Variants in PTPRN2 observed in about 807,000 individuals in gnomAD.
The protein encoded by PTPRN2 is receptor-type tyrosine-protein phosphatase N2.
A neutral mutation model predicts 118.8 loss-of-function variants in PTPRN2; 74 were observed. The observed-to-expected ratio is 0.62, with a 90% CI of 0.52 to 0.76. The LOEUF is 0.76. Ranked by LOEUF, PTPRN2 falls within the 30% of genes least tolerant of loss-of-function variation. The pLI is 0.00. For missense variants in PTPRN2, 1,481 were observed against 1,394.4 expected (o/e 1.06, Z -0.99); for synonymous variants, 641 against 608.0 (o/e 1.05, Z -0.80).
rs12669550 is a variant in PTPRN2 at position 157,611,051 on chromosome 7, G to A, written c.2345-6976C>T. Among the ~76,000 whole-genome samples, 22,996 of 152,162 alleles carry A rather than the reference G, an allele frequency of 0.15. 1,927 individuals are homozygous for A. Among genetic ancestry groups the A allele is most frequent in the East Asian group, 0.25 (1,287 of 5,170 alleles). Reference sequence around the variant, plus strand: ...GACCTGCCCCACCCACCACTCAGGAGGCACGCTGCCCACCGCTGAGCTGAA... The same window carrying A: ...GACCTGCCCCACCCACCACTCAGGAAGCACGCTGCCCACCGCTGAGCTGAA... On this transcript the variant is annotated intron_variant, in intron 15 of 22. Coordinates refer to ENST00000389418, the MANE Select transcript of PTPRN2 (RefSeq NM_002847.5). This position sits in a 1 kb window ranked among gnomAD's most constrained non-coding sequence, Gnocchi z 5.9.
intron 1 of PTPRN2, among the ~76,000 whole-genome samples, chr7:158,547,699 GGCTGATTCA>G (rs1175679414): frequency 7.9e-5 from 12 of 152,204 alleles, no homozygotes; most frequent in Admixed American, 1.3e-4. Flanking sequence ...GTCCAGCAGA[GGCTGATTCA>G]TGCTAGAAAC....
At chr7:158,440,256 A>G (rs1446813817) in intron 2 of PTPRN2, among the ~76,000 whole-genome samples, 2 of 152,246 alleles carry the variant, frequency 1.3e-5, no homozygotes, top group Non-Finnish European at 2.9e-5. Context: ...CAAATGCTCC[A>G]GGTCCAGCTC....
chr7:158,312,250 GC>G, intron 3 of PTPRN2, among the ~76,000 whole-genome samples: 7 of 105,504 alleles, frequency 6.6e-5, no homozygotes, highest in South Asian at 2.4e-4. Flanking sequence ...ACACACACCT[GC>G]ACACGCACTC....
At chr7:158,376,499 T>C (rs865790429) in intron 2 of PTPRN2, among the ~76,000 whole-genome samples, 173 of 81,082 alleles carry the variant, frequency 2.1e-3, no homozygotes, top group African/African-American at 2.4e-3. Flanking sequence ...TGGACTCCCC[T>C]ACAGCCCTGT....
At chr7:158,055,238 A>G (rs1809696035) in intron 11 of PTPRN2, among the ~76,000 whole-genome samples, 1 of 152,188 alleles carries the variant, frequency 6.6e-6, no homozygotes, top group African/African-American at 2.4e-5. Flanking sequence ...ACACAGTGAG[A>G]AGTGACCAGA....
intron 14 of PTPRN2, among the ~76,000 whole-genome samples, chr7:157,655,593 G>A (rs1171214149): frequency 6.6e-5 from 10 of 152,192 alleles, no homozygotes; most frequent in South Asian, 6.2e-4. Context: ...CCGCTGCTTC[G>A]GCCAAGCAGC....
intron 3 of PTPRN2, among the ~76,000 whole-genome samples, chr7:158,293,051 G>A (rs1288312687): frequency 6.6e-6 from 1 of 152,026 alleles, no homozygotes; most frequent in African/African-American, 2.4e-5. Flanking sequence ...CTGGGCAACA[G>A]AGTGACATTC....
chr7:158,103,753 G>C (rs940861634), intron 10 of PTPRN2, among the ~76,000 whole-genome samples: 4 of 152,288 alleles, frequency 2.6e-5, no homozygotes, highest in Non-Finnish European at 4.4e-5. Flanking sequence ...ATGGTGTCGG[G>C]GGCCACAGCA....
Position 158,570,909 on chromosome 7 carries a change from T to A in PTPRN2, c.112+16649A>T, listed in dbSNP as rs997898173. 1.3e-5 allele frequency among the ~76,000 whole-genome samples: 2 copies of A among 152,190 alleles called. No homozygotes were observed. The highest frequency in any genetic ancestry group is 4.8e-5 in the African/African-American group (2 of 41,448). On this transcript the variant is annotated intron_variant, in intron 1 of 22. Transcript: ENST00000389418. The surrounding 1 kb of genome is among the most constrained non-coding windows in gnomAD (Gnocchi z 4.5). ...TGGACCTGGTTACCTCTGGCCTTCC[T>A]CTGCTCAGAAGCCCACCCCTGCAGA...
chr7:158,516,593 C>T (rs138574507), intron 1 of PTPRN2, among the ~76,000 whole-genome samples: 3,913 of 114,692 alleles, frequency 0.034, 73 homozygotes, highest in Middle Eastern at 0.067. Flanking sequence ...TATTGTTCTT[C>T]GTGCTGTTCT....
chr7:157,621,358 G>C lies in PTPRN2; in HGVS notation c.2344+4C>G. 6.4e-7 allele frequency: 1 copy of C among 1,566,900 alleles called. No individual in the cohort carries two copies. Among genetic ancestry groups the C allele is most frequent in the Non-Finnish European group, 8.6e-7 (1 of 1,160,402 alleles). On this transcript the variant is annotated splice_donor_region_variant and intron_variant, in intron 15 of 22. Transcript: ENST00000389418. ...GGCTTCCTGCCCCCGGGGCTGGTAC[G>C]TACAGGTCAGCACGGCCAGGGAGCG... is the stretch of plus-strand genomic sequence containing the variant.
At chr7:158,069,996 G>T (rs1168419102) in intron 11 of PTPRN2, among the ~76,000 whole-genome samples, 1 of 152,186 alleles carries the variant, frequency 6.6e-6, no homozygotes, top group East Asian at 1.9e-4. Flanking sequence ...TAGCTGGGAG[G>T]GTGCTGTGAA....
chr7:158,198,759 T>C (rs1826410995), intron 4 of PTPRN2, among the ~76,000 whole-genome samples: 1 of 61,396 alleles, frequency 1.6e-5, no homozygotes, highest in African/African-American at 6.8e-5. Flanking sequence ...TTCTGGCTTC[T>C]CAGGTCCTCC....
intron 2 of PTPRN2, among the ~76,000 whole-genome samples, chr7:158,378,532 C>T (rs1345696558): frequency 6.6e-6 from 1 of 152,214 alleles, no homozygotes; most frequent in Non-Finnish European, 1.5e-5. Flanking sequence ...TCCCCACAGG[C>T]CCCCTCTATT....
Position 158,018,501 on chromosome 7 carries a change from C to A in PTPRN2, c.1723+62797G>T, listed in dbSNP as rs1263794949. On this transcript the variant is annotated intron_variant, in intron 11 of 22. Transcript: ENST00000389418. ...TCACATTTTTAGCCTATACTAGTGA[C>A]GTGCACTTAACTTTGAAATTTGTTT... 9.2e-5 allele frequency among the ~76,000 whole-genome samples: 14 copies of A among 152,162 alleles called. 1 individual carries two copies. Among genetic ancestry groups the A allele is most frequent in the Non-Finnish European group, 2.1e-4 (14 of 68,034 alleles).
Position 157,591,727 on chromosome 7 carries a change from C to A in PTPRN2, c.2496+3511G>T, listed in dbSNP as rs1431643964. Among the ~76,000 whole-genome samples the A allele has an allele frequency of 6.6e-6, 1 of 152,252 alleles. No homozygotes were observed. Among genetic ancestry groups the A allele is most frequent in the Non-Finnish European group, 1.5e-5 (1 of 68,046 alleles). On this transcript the variant is annotated intron_variant, in intron 17 of 22. Coordinates refer to ENST00000389418, the MANE Select transcript of PTPRN2 (RefSeq NM_002847.5). This position sits in a 1 kb window ranked among gnomAD's most constrained non-coding sequence, Gnocchi z 4.4. ...AGAGATGCTGACATTCTAAAACACA[C>A]GGTTTAGAGGCCTCCCAGGCAAATG...
intron 11 of PTPRN2, among the ~76,000 whole-genome samples, chr7:158,026,327 A>T (rs764319332): frequency 6.6e-6 from 1 of 152,134 alleles, no homozygotes; most frequent in Admixed American, 6.5e-5. Context: ...AGATGGTCTG[A>T]TCTGGTGGGC....
intron 11 of PTPRN2, among the ~76,000 whole-genome samples, chr7:157,961,987 T>C (rs1401653044): frequency 6.6e-6 from 1 of 152,140 alleles, no homozygotes. Flanking sequence ...GAAGAGCCAC[T>C]CTGTGTCCCA....
chr7:157,680,368 A>G (rs1471043146), intron 13 of PTPRN2, among the ~76,000 whole-genome samples: 1 of 123,068 alleles, frequency 8.1e-6, no homozygotes, highest in Non-Finnish European at 2.0e-5. Context: ...TATGTTTGCA[A>G]TATTTTAAAA....
Sources: gnomAD v4.1 joint callset for allele counts (sites outside exome capture counted in the v4.1 genomes callset) on GRCh38, gnomAD v4.1.1 for gene constraint, Gnocchi (gnomAD v3.1) non-coding constraint, MANE v1.5 for transcripts, NCBI Gene and HGNC (gene_info 2026-07-23, HGNC 2026-07-21) for gene names.